Variants in LATS2 observed in about 807,000 individuals in gnomAD.
LATS2 encodes the protein large tumor suppressor kinase 2, also known as serine/threonine-protein kinase LATS2.
A neutral mutation model predicts 76.0 loss-of-function variants in LATS2; 24 were observed. That is an observed-to-expected ratio of 0.32 (90% CI 0.23 to 0.44). LATS2 has a LOEUF of 0.44. Ranked by LOEUF, LATS2 falls within the 20% of genes least tolerant of loss-of-function variation. The pLI is 1.00. For synonymous variants in LATS2, 692 were observed against 635.4 expected, an observed-to-expected ratio of 1.09 and a Z score of -1.34; for missense variants, 1,286 against 1,481.2, an observed-to-expected ratio of 0.87 and a Z score of 2.16.
intron 2 of LATS2, among the ~76,000 whole-genome samples, chr13:21,007,693 ATATATAGTAT>A (rs1377919861): frequency 2.8e-3 from 3 of 1,090 alleles, no homozygotes; most frequent in African/African-American, 4.7e-3. Context: ...GTATATATAT[ATATATAGTAT>A]GTATATATAT....
chr13:21,024,585 G>A lies in LATS2; in HGVS notation c.342+21100C>T, dbSNP rs187679748. Among the ~76,000 whole-genome samples, 1,222 of 149,326 alleles carry A rather than the reference G, an allele frequency of 8.2e-3. 18 individuals carry two copies. The highest frequency in any genetic ancestry group is 0.029 in the African/African-American group (1,158 of 39,310). ...GAGCTCTTCCTGCATAGCGCCTCACGGATGACATCTCACTTTGACGGTCAT... is the reference window on the plus strand; with the variant it reads ...GAGCTCTTCCTGCATAGCGCCTCACAGATGACATCTCACTTTGACGGTCAT... On this transcript the variant is annotated intron_variant, in intron 2 of 7. Transcript: ENST00000382592.
intron 2 of LATS2, among the ~76,000 whole-genome samples, chr13:21,040,376 CAAA>C (rs141897751): frequency 8.3e-5 from 9 of 108,712 alleles, no homozygotes; most frequent in East Asian, 2.6e-4. Context: ...GACCTTGTCT[CAAA>C]AAAAAAAAAA....
chr13:20,991,342 G>A lies in LATS2; in HGVS notation c.405C>T (p.Tyr135=), dbSNP rs780090868. ...GGTCCAGGTAGCCCATCTTGCTGAT[G>A]TACTCCAGGGCGGCCTCGATGCTCC... ...GSRSIEAALE[Y]ISKMGYLDPR... is the part of the protein sequence containing the mutation. The change falls in exon 3 of 8, where the codon TAC becomes TAT. Residue 135 remains tyrosine (Y), a synonymous_variant. Transcript: ENST00000382592. This position sits in a 1 kb window ranked among gnomAD's most constrained non-coding sequence, Gnocchi z 4.9. 9.3e-6 allele frequency: 15 copies of A among 1,614,072 alleles called. No individual in the cohort carries two copies. The highest frequency in any genetic ancestry group is 1.3e-5 in the Non-Finnish European group (15 of 1,180,042).
chr13:21,030,612 G>A (rs55851360), intron 2 of LATS2, among the ~76,000 whole-genome samples: 4,752 of 123,062 alleles, frequency 0.039, 389 homozygotes, highest in African/African-American at 0.13. Flanking sequence ...AAAAAAAAAA[G>A]AAAAAAAAAA....
intron 1 of LATS2, among the ~76,000 whole-genome samples, chr13:21,053,549 C>A (rs190349761): frequency 1.2e-4 from 18 of 152,278 alleles, no homozygotes; most frequent in Admixed American, 9.8e-4. Context: ...ACCGAATCTG[C>A]GTCCTCAGTT....
At chr13:21,052,629 G>A (rs1471759456) in intron 1 of LATS2, among the ~76,000 whole-genome samples, 1 of 152,188 alleles carries the variant, frequency 6.6e-6, no homozygotes, top group African/African-American at 2.4e-5. Flanking sequence ...TGGGATAACA[G>A]GCGCGGGCTA....
At chr13:21,047,669 C>T (rs17061855) in intron 1 of LATS2, among the ~76,000 whole-genome samples, 3,370 of 151,638 alleles carry the variant, frequency 0.022, 103 homozygotes, top group African/African-American at 0.075. Context: ...AACTGTAAAC[C>T]GCGACCCTGC....
chr13:21,018,754 A>G (rs922088099), intron 2 of LATS2, among the ~76,000 whole-genome samples: 50 of 152,216 alleles, frequency 3.3e-4, no homozygotes, highest in African/African-American at 1.2e-3. Context: ...CCTGGGTTCA[A>G]GTGATTCTCC....
intron 2 of LATS2, among the ~76,000 whole-genome samples, chr13:21,030,607 A>AAAAAG (rs1565960085): frequency 3.3e-5 from 4 of 122,584 alleles, no homozygotes; most frequent in Non-Finnish European, 4.9e-5. Flanking sequence ...AAAAAAAAAA[A>AAAAAG]AAAAGAAAAA....
At position 20,983,542 on chromosome 13, in the gene LATS2, C is replaced by T; in HGVS notation, c.2164G>A (p.Glu722Lys). The T allele has an allele frequency of 2.5e-6, 4 of 1,614,124 alleles. No individual in the cohort carries two copies. Among genetic ancestry groups the T allele is most frequent in the Non-Finnish European group, 3.4e-6 (4 of 1,180,026 alleles). The change falls in exon 5 of 8, where the codon GAG (glutamate) becomes AAG (lysine). Residue 722 changes from glutamate (E) to lysine (K), a missense_variant. Glu to Lys is a moderately conservative substitution (Grantham distance 56). Around this residue, in one of 5 missense-constraint regions of LATS2, gnomAD observed 247 missense variants for 385.4 expected, o/e 0.64. Coordinates refer to ENST00000382592, the MANE Select transcript of LATS2 (RefSeq NM_014572.3). Reference protein sequence around the residue: ...HVKAERDILAEADNEWVVKLY... With the variant: ...HVKAERDILAKADNEWVVKLY... ...TTGACCACCCACTCATTGTCTGCCT[C>T]GGCCAGGATGTCCCTCTCGGCCTTG...
Position 20,988,739 on chromosome 13 carries a change from C to G in LATS2, c.1041G>C (p.Leu347=), listed in dbSNP as rs767793375. ...VFASDSPPQS[L]LTPSRNSLNV... ...TGAGGCTGTTCCGCGAGGGAGTGAG[C>G]AGGCTCTGCGGGGGGCTGTCGCTGG... The change falls in exon 4 of 8, where the codon CTG becomes CTC. Residue 347 remains leucine, a synonymous_variant. Coordinates refer to ENST00000382592, the MANE Select transcript of LATS2 (RefSeq NM_014572.3). 6.4e-7 allele frequency: 1 copy of G among 1,571,046 alleles called. No individual in the cohort carries two copies. The highest frequency in any genetic ancestry group is 2.3e-5 in the East Asian group (1 of 44,402).
chr13:20,974,670 C>G lies in LATS2; in HGVS notation c.*200G>C, dbSNP rs1199284042. On this transcript the variant is annotated 3_prime_UTR_variant, in exon 8 of 8. Transcript: ENST00000382592. ...TTAATGCAGTGAAGGTCCTGAAAAG[C>G]CTATTGAAAGCGATGCTGAGTCCTG... is the stretch of plus-strand genomic sequence containing the variant. 1 of 571,192 alleles carries G rather than the reference C, an allele frequency of 1.8e-6. No homozygotes were observed. The highest frequency in any genetic ancestry group is 3.0e-6 in the Non-Finnish European group (1 of 329,236). 35.4% of individuals were successfully genotyped at this position (571,192 alleles called of 1,614,324 possible). A position where few individuals can be genotyped will look rare whatever the true frequency, so the allele number is the denominator to read the frequency against.
chr13:21,028,989 T>G (rs142910797), intron 2 of LATS2, among the ~76,000 whole-genome samples: 3 of 152,358 alleles, frequency 2.0e-5, no homozygotes, highest in African/African-American at 4.8e-5. Context: ...TGGTAACTTT[T>G]AAAAATAGAT....
chr13:20,990,436 G>A (rs1003070648), intron 3 of LATS2, among the ~76,000 whole-genome samples: 1 of 147,060 alleles, frequency 6.8e-6, no homozygotes, highest in African/African-American at 2.5e-5. Flanking sequence ...CCACAAAATA[G>A]GGAAAACTCT....
chr13:21,007,545 G>GTATA (rs71090549), intron 2 of LATS2, among the ~76,000 whole-genome samples: 82 of 3,594 alleles, frequency 0.023, 3 homozygotes, highest in Non-Finnish European at 0.032. Context: ...TATATATATA[G>GTATA]TATATATATA....
intron 2 of LATS2, among the ~76,000 whole-genome samples, chr13:20,995,127 G>A (rs1870694550): frequency 6.6e-6 from 1 of 152,156 alleles, no homozygotes; most frequent in South Asian, 2.1e-4. Context: ...AGGGATGAAA[G>A]GAGATGTCAT....
rs192732862 is a variant in LATS2 at position 21,011,791 on chromosome 13, G to A, written c.343-20387C>T. On this transcript the variant is annotated intron_variant, in intron 2 of 7. Coordinates refer to ENST00000382592, the MANE Select transcript of LATS2 (RefSeq NM_014572.3). ...GAGAAATTCATCATTAGGTGATTTC[G>A]TTGTTGTGTGAACATCATAGAGTGT... 1.4e-4 allele frequency among the ~76,000 whole-genome samples: 21 copies of A among 152,278 alleles called. No homozygotes were observed. In the South Asian group the frequency reaches 2.7e-3, roughly 20 times the overall value.
chr13:20,979,900 G>A (rs781737819), intron 6 of LATS2, 103 bp from the exon 7 acceptor site: 9 of 665,822 alleles, frequency 1.4e-5, no homozygotes, highest in Non-Finnish European at 2.1e-5. Context: ...AAGTGGGAAA[G>A]CGCGTTGAAG....
In LATS2 at chr13:21,010,221, C is replaced by CAAACAAAA. The variant is rs1455364081; in HGVS notation, c.343-18818_343-18817insTTTTGTTT. On this transcript the variant is annotated intron_variant, in intron 2 of 7. Transcript: ENST00000382592. ...TCAAAAAAACAAACAAACAAACAAA[C>CAAACAAAA]AAAAAACCCACAAAGGAATAACACA... is the stretch of plus-strand genomic sequence containing the variant. 2.0e-5 allele frequency among the ~76,000 whole-genome samples: 3 copies of CAAACAAAA among 151,804 alleles called. No individual in the cohort carries two copies. The South Asian group carries it at 6.3e-4, about 32-fold the overall frequency.
Sources: allele counts gnomAD v4.1 joint callset (sites outside exome capture counted in the v4.1 genomes callset), GRCh38; gene constraint gnomAD v4.1.1; regional missense constraint gnomAD v4.1.1; non-coding constraint Gnocchi (gnomAD v3.1); transcripts MANE v1.5; gene names NCBI Gene and HGNC (gene_info 2026-07-23, HGNC 2026-07-21).